CNTNAP2: variants seen among roughly 807,000 people sequenced by gnomAD.
The protein encoded by CNTNAP2 is contactin-associated protein-like 2.
Under a neutral mutation model 155.2 loss-of-function variants are expected in CNTNAP2, and 98 were observed. That is an observed-to-expected ratio of 0.63 (90% CI 0.54 to 0.75). The LOEUF is 0.75. Among genes scored for constraint, CNTNAP2 ranks in the 30% least tolerant of loss-of-function variants. The pLI, the probability that CNTNAP2 is intolerant of heterozygous loss-of-function variation, is 0.00. For synonymous variants in CNTNAP2, 651 were observed against 631.2 expected (o/e 1.03, Z -0.47); for missense variants, 1,727 against 1,688.1 (o/e 1.02, Z -0.40).
At chr7:148,154,412 C>G (rs955419344) in intron 17 of CNTNAP2, among the ~76,000 whole-genome samples, 2 of 152,182 alleles carry the variant, frequency 1.3e-5, no homozygotes, top group Non-Finnish European at 2.9e-5. Context: ...TCCAACCTCC[C>G]CAAATTCTAA....
intron 15 of CNTNAP2, among the ~76,000 whole-genome samples, chr7:148,002,488 A>T (rs1025072138): frequency 1.3e-5 from 2 of 152,174 alleles, no homozygotes; most frequent in African/African-American, 4.8e-5. Flanking sequence ...GGCTATATGT[A>T]GTCCCCATGC....
intron 1 of CNTNAP2, among the ~76,000 whole-genome samples, chr7:146,429,560 G>A (rs893883397): frequency 6.6e-6 from 1 of 151,898 alleles, no homozygotes; most frequent in African/African-American, 2.4e-5. Context: ...TGCTAGAAAC[G>A]TTTTCACATT....
At chr7:147,561,987 T>G in intron 11 of CNTNAP2, 151 bp from the exon 12 acceptor site, 2 of 1,021,314 alleles carry the variant, frequency 2.0e-6, no homozygotes, top group South Asian at 1.4e-5. Flanking sequence ...AAACAAATCA[T>G]GAATTTAAAT....
intron 21 of CNTNAP2, among the ~76,000 whole-genome samples, chr7:148,381,118 T>A (rs1799049082): frequency 6.6e-6 from 1 of 152,254 alleles, no homozygotes; most frequent in African/African-American, 2.4e-5. Flanking sequence ...GTGAACTCTG[T>A]GCAGGCTCCG....
chr7:146,497,341 T>C (rs1341947675), intron 1 of CNTNAP2, among the ~76,000 whole-genome samples: 2 of 152,210 alleles, frequency 1.3e-5, no homozygotes, highest in African/African-American at 4.8e-5. Context: ...CTGTGGTTTG[T>C]ATAATCATTT....
intron 13 of CNTNAP2, among the ~76,000 whole-genome samples, chr7:147,686,281 T>C (rs899678918): frequency 1.1e-4 from 16 of 151,954 alleles, no homozygotes; most frequent in African/African-American, 3.9e-4. Flanking sequence ...TTGAAGGTAT[T>C]TGATTTGAGC....
intron 1 of CNTNAP2, among the ~76,000 whole-genome samples, chr7:146,210,743 A>G (rs140197946): frequency 1.6e-3 from 249 of 152,300 alleles, no homozygotes; most frequent in African/African-American, 5.7e-3. Flanking sequence ...CGGAATTCTA[A>G]TATTTACCAG....
intron 1 of CNTNAP2, among the ~76,000 whole-genome samples, chr7:146,550,885 T>C (rs888494877): frequency 3.3e-5 from 5 of 152,078 alleles, no homozygotes; most frequent in South Asian, 4.2e-4. Flanking sequence ...ATGAATGAAG[T>C]GACACCTGAA....
chr7:147,005,158 T>A (rs1798502874), intron 3 of CNTNAP2, among the ~76,000 whole-genome samples: 2 of 152,032 alleles, frequency 1.3e-5, no homozygotes, highest in Admixed American at 1.3e-4. Flanking sequence ...CAAATACTTG[T>A]TAAATCTGGG....
intron 2 of CNTNAP2, among the ~76,000 whole-genome samples, chr7:146,822,753 A>C (rs1259100923): frequency 6.9e-6 from 1 of 144,984 alleles, no homozygotes. Context: ...TTAAGTGTAT[A>C]CTTAAGAATA....
intron 11 of CNTNAP2, among the ~76,000 whole-genome samples, chr7:147,489,718 C>T (rs1042466197): frequency 5.9e-5 from 9 of 152,132 alleles, no homozygotes; most frequent in Admixed American, 1.3e-4. Context: ...CAGGTTCAAG[C>T]GATTCTGCTG....
intron 8 of CNTNAP2, among the ~76,000 whole-genome samples, chr7:147,176,777 ATATAAT>A (rs1054709729): frequency 8.0e-6 from 1 of 125,586 alleles, no homozygotes; most frequent in African/African-American, 3.1e-5. Flanking sequence ...ATAGAATTAT[ATATAAT>A]TATAATTATA....
chr7:146,397,635 T>G (rs939674584), intron 1 of CNTNAP2, among the ~76,000 whole-genome samples: 1 of 152,132 alleles, frequency 6.6e-6, no homozygotes, highest in South Asian at 2.1e-4. Context: ...ATGTTTCCAA[T>G]AGTTTAAGTG....
intron 1 of CNTNAP2, among the ~76,000 whole-genome samples, chr7:146,621,093 C>G (rs1205585763): frequency 6.6e-6 from 1 of 152,096 alleles, no homozygotes. Flanking sequence ...AAATGCCGAG[C>G]TAGAGCGAAA....
chr7:146,371,395 G>A (rs2129102771), intron 1 of CNTNAP2, among the ~76,000 whole-genome samples: 1 of 122,518 alleles, frequency 8.2e-6, no homozygotes, highest in Non-Finnish European at 1.6e-5. Flanking sequence ...TTGAGATGGA[G>A]TCTCGCTCTG....
At chr7:147,166,280 G>T (rs991872124) in intron 8 of CNTNAP2, among the ~76,000 whole-genome samples, 10 of 152,162 alleles carry the variant, frequency 6.6e-5, no homozygotes, top group African/African-American at 2.4e-4. Context: ...TCTAAGTGAA[G>T]TATACAAGGA....
chr7:147,362,280 A>G (rs1237987344), intron 9 of CNTNAP2, among the ~76,000 whole-genome samples: 1 of 152,104 alleles, frequency 6.6e-6, no homozygotes, highest in African/African-American at 2.4e-5. Context: ...TTACAGTTGC[A>G]TGCCACCACA....
intron 3 of CNTNAP2, among the ~76,000 whole-genome samples, chr7:146,897,841 T>A (rs1051506015): frequency 3.9e-5 from 6 of 152,116 alleles, no homozygotes; most frequent in African/African-American, 7.2e-5. Context: ...TGTGTTTTTT[T>A]AAAAATAATT....
chr7:147,157,253 A>G (rs1278363799), intron 8 of CNTNAP2, among the ~76,000 whole-genome samples: 2 of 152,088 alleles, frequency 1.3e-5, no homozygotes, highest in Non-Finnish European at 2.9e-5. Context: ...TTCTATGGTG[A>G]TAATGGGGGT....
Sources: gnomAD v4.1 joint callset for allele counts (sites outside exome capture counted in the v4.1 genomes callset) on GRCh38, gnomAD v4.1.1 for gene constraint, MANE v1.5 for transcripts, NCBI Gene and HGNC (gene_info 2026-07-23, HGNC 2026-07-21) for gene names.